ZFHX3: variants seen among roughly 807,000 people sequenced by gnomAD.
The protein encoded by ZFHX3 is zinc finger homeobox protein 3.
In ZFHX3, 42 loss-of-function variants were observed where a neutral mutation model predicts 279.1. The ratio of observed to expected loss-of-function variants is 0.15; its 90% CI spans 0.12 to 0.19. ZFHX3 has a LOEUF of 0.19. Ranked by LOEUF, ZFHX3 falls within the 10% of genes least tolerant of loss-of-function variation. ZFHX3 has a pLI of 1.00. For missense variants in ZFHX3, 4,981 were observed against 4,754.0 expected (o/e 1.05, Z -1.40); for synonymous variants, 2,293 against 1,957.8 (o/e 1.17, Z -4.52).
intron 1 of ZFHX3, among the ~76,000 whole-genome samples, chr16:73,043,605 C>G (rs1319045527): frequency 3.9e-5 from 6 of 152,200 alleles, no homozygotes; most frequent in Non-Finnish European, 7.4e-5. Flanking sequence ...CCATCACTGC[C>G]TAGACCACGG....
chr16:73,707,879 C>T (rs748503850), intron 1 of ZFHX3, among the ~76,000 whole-genome samples: 12 of 151,732 alleles, frequency 7.9e-5, no homozygotes, highest in South Asian at 2.1e-4. Flanking sequence ...GACGGAGGAG[C>T]GGGGAGGAAG....
chr16:73,349,311 C>T (rs1372530923), intron 3 of ZFHX3, among the ~76,000 whole-genome samples: 1 of 152,182 alleles, frequency 6.6e-6, no homozygotes. Flanking sequence ...CACTGCAACC[C>T]TGACACCTAG....
chr16:73,377,114 G>T (rs969565975), intron 3 of ZFHX3, among the ~76,000 whole-genome samples: 7 of 151,940 alleles, frequency 4.6e-5, no homozygotes, highest in Non-Finnish European at 1.0e-4. Context: ...TGGGATTATA[G>T]GCACGTGCCA....
intron 2 of ZFHX3, among the ~76,000 whole-genome samples, chr16:73,518,301 T>C (rs2019556705): frequency 6.6e-6 from 1 of 152,218 alleles, no homozygotes; most frequent in Admixed American, 6.5e-5. Context: ...GTTATTTATT[T>C]TTTCATGTAG....
At chr16:73,026,955 G>A (rs1019263763) in intron 1 of ZFHX3, among the ~76,000 whole-genome samples, 2 of 152,222 alleles carry the variant, frequency 1.3e-5, no homozygotes, top group African/African-American at 4.8e-5. Flanking sequence ...AAAGAGCCAT[G>A]TAACTATTTC....
intron 3 of ZFHX3, among the ~76,000 whole-genome samples, chr16:72,921,397 G>C (rs752620736): frequency 6.6e-6 from 1 of 152,194 alleles, no homozygotes; most frequent in Non-Finnish European, 1.5e-5. Flanking sequence ...CATCAGACAC[G>C]ACTATCGCTC....
At chr16:73,606,088 T>G (rs1376474737) in intron 2 of ZFHX3, among the ~76,000 whole-genome samples, 1 of 129,266 alleles carries the variant, frequency 7.7e-6, no homozygotes, top group African/African-American at 3.1e-5. Flanking sequence ...GAGGCTGAGG[T>G]GGAGAACGGC....
intron 4 of ZFHX3, among the ~76,000 whole-genome samples, chr16:73,279,348 G>A (rs1051841221): frequency 6.6e-6 from 1 of 151,874 alleles, no homozygotes; most frequent in African/African-American, 2.4e-5. Context: ...TCCTACTAGG[G>A]GTCAGAAGTA....
intron 3 of ZFHX3, among the ~76,000 whole-genome samples, chr16:73,352,675 C>G (rs11150537): frequency 0.94 from 143,266 of 151,820 alleles, 68,033 homozygotes; most frequent in African/African-American, 0.98. Flanking sequence ...GGTAGTGATG[C>G]GGTCTTGCTA....
At chr16:73,822,082 A>T (rs1190869597) in intron 1 of ZFHX3, among the ~76,000 whole-genome samples, 2 of 152,182 alleles carry the variant, frequency 1.3e-5, no homozygotes, top group African/African-American at 4.8e-5. Context: ...ATAGAAAGAC[A>T]TCTCCCCTGG....
chr16:73,388,821 A>G (rs1192546112), intron 3 of ZFHX3: 2 of 152,246 alleles, frequency 1.3e-5, no homozygotes, highest in Non-Finnish European at 2.9e-5. Context: ...TTCCTTCCCA[A>G]GGCAGATGCC....
chr16:72,915,303 T>A (rs755268087), intron 3 of ZFHX3, among the ~76,000 whole-genome samples: 2 of 152,182 alleles, frequency 1.3e-5, no homozygotes, highest in African/African-American at 2.4e-5. Context: ...AATACTATAT[T>A]GATCCCATCA....
intron 1 of ZFHX3, among the ~76,000 whole-genome samples, chr16:73,860,969 G>A (rs77986736): frequency 6.7e-6 from 1 of 150,154 alleles, no homozygotes; most frequent in African/African-American, 2.5e-5. Flanking sequence ...AACACTGCTT[G>A]TATATTTTTT....
chr16:73,435,603 C>A (rs553466874), intron 3 of ZFHX3, among the ~76,000 whole-genome samples: 1 of 152,138 alleles, frequency 6.6e-6, no homozygotes, highest in African/African-American at 2.4e-5. Context: ...TTGTGACAAC[C>A]AAAATTACCT....
At chr16:72,962,074 G>C (rs1462243263) in intron 1 of ZFHX3, among the ~76,000 whole-genome samples, 1 of 152,222 alleles carries the variant, frequency 6.6e-6, no homozygotes, top group Non-Finnish European at 1.5e-5. Flanking sequence ...AGGCCTGAAG[G>C]GGCGGGAGGG....
rs150583300 is a variant in ZFHX3, at chr16:72,957,437, C to A, written c.2709G>T (p.Thr903=). 1.2e-6 allele frequency: 2 copies of A among 1,608,892 alleles called. No homozygotes were observed. Among genetic ancestry groups the A allele is most frequent in the Non-Finnish European group, 1.7e-6 (2 of 1,177,166 alleles). The change falls in exon 2 of 10, where the codon ACG becomes ACT. Residue 903 remains threonine (T), a synonymous_variant. Coordinates refer to ENST00000268489, the MANE Select transcript of ZFHX3 (RefSeq NM_006885.4). ...CGTAGTCATCCTCACCTAGAGCAGG[C>A]GTCATGGCGGCCATGGGCCCGGCGG... ...LDPAGPMAAM[T]PALVGGEIPL...
intron 3 of ZFHX3, among the ~76,000 whole-genome samples, chr16:73,332,518 A>C (rs918450375): frequency 4.6e-5 from 7 of 152,230 alleles, no homozygotes; most frequent in Non-Finnish European, 7.3e-5. Flanking sequence ...TACCACCCAG[A>C]GGAAAACTTA....
intron 3 of ZFHX3, among the ~76,000 whole-genome samples, chr16:73,440,236 T>C (rs1278823651): frequency 6.6e-6 from 1 of 152,208 alleles, no homozygotes; most frequent in Non-Finnish European, 1.5e-5. Flanking sequence ...TCATTGCACA[T>C]AAACTGAAAG....
intron 1 of ZFHX3, among the ~76,000 whole-genome samples, chr16:73,794,491 C>T (rs1321818020): frequency 2.6e-5 from 4 of 152,222 alleles, no homozygotes; most frequent in African/African-American, 9.6e-5. Flanking sequence ...GTAAAAGACA[C>T]TCAACACCTT....
Sources: allele counts gnomAD v4.1 joint callset (sites outside exome capture counted in the v4.1 genomes callset), GRCh38; gene constraint gnomAD v4.1.1; transcripts MANE v1.5; gene names NCBI Gene and HGNC (gene_info 2026-07-23, HGNC 2026-07-21).